The following ZFHX3 variants were observed in gnomAD, a reference collection of about 807,000 sequenced individuals.
ZFHX3 encodes the protein zinc finger homeobox protein 3.
ZFHX3 carries 42 observed loss-of-function variants against 279.1 expected under a neutral mutation model. That is an observed-to-expected ratio of 0.15 (90% confidence interval 0.12 to 0.19). ZFHX3 has a LOEUF of 0.19. Among genes scored for constraint, ZFHX3 ranks in the 10% least tolerant of loss-of-function variants. The pLI is 1.00. For missense variants in ZFHX3, 4,981 were observed against 4,754.0 expected (o/e 1.05, Z -1.40); for synonymous variants, 2,293 against 1,957.8 (o/e 1.17, Z -4.52).
chr16:73,087,700 C>G (rs941630967), intron 8 of ZFHX3, among the ~76,000 whole-genome samples: 1 of 152,100 alleles, frequency 6.6e-6, no homozygotes, highest in Non-Finnish European at 1.5e-5. Context: ...GGGCTCTTTC[C>G]AGGAGTCAAG....
chr16:73,551,045 A>G (rs2020196473), intron 2 of ZFHX3, among the ~76,000 whole-genome samples: 1 of 152,214 alleles, frequency 6.6e-6, no homozygotes, highest in Admixed American at 6.5e-5. Context: ...TATTGCTACT[A>G]TTTAAACAAA....
At chr16:73,677,493 G>A (rs1412962339) in intron 2 of ZFHX3, among the ~76,000 whole-genome samples, 1 of 151,804 alleles carries the variant, frequency 6.6e-6, no homozygotes, top group Non-Finnish European at 1.5e-5. Context: ...TAGGAAAACA[G>A]AACAACTGGA....
At chr16:73,015,789 G>T (rs1337785563) in intron 1 of ZFHX3, 1 of 152,194 alleles carries the variant, frequency 6.6e-6, no homozygotes, top group African/African-American at 2.4e-5. Flanking sequence ...GTAGCCTGGG[G>T]CCACTGGATC....
intron 3 of ZFHX3, among the ~76,000 whole-genome samples, chr16:72,924,819 A>C (rs959630399): frequency 6.6e-6 from 1 of 152,048 alleles, no homozygotes; most frequent in African/African-American, 2.4e-5. Flanking sequence ...CCTCCCTTTA[A>C]CTTCCTTTTT....
intron 1 of ZFHX3, among the ~76,000 whole-genome samples, chr16:73,749,835 C>G (rs1051217442): frequency 1.3e-5 from 2 of 152,168 alleles, no homozygotes; most frequent in Non-Finnish European, 2.9e-5. Flanking sequence ...GAAGGGCAGC[C>G]TTGGATGGCC....
intron 2 of ZFHX3, among the ~76,000 whole-genome samples, chr16:73,594,817 T>C (rs2052032096): frequency 6.6e-6 from 1 of 152,242 alleles, no homozygotes; most frequent in Non-Finnish European, 1.5e-5. Context: ...TACTTAGAAA[T>C]GTGCTTTTGT....
At chr16:73,647,682 A>T (rs2052633049) in intron 2 of ZFHX3, among the ~76,000 whole-genome samples, 1 of 152,176 alleles carries the variant, frequency 6.6e-6, no homozygotes, top group Admixed American at 6.5e-5. Context: ...ACTGTATCAT[A>T]GTTTAGAAAG....
chr16:73,318,230 A>T (rs1051962362), intron 4 of ZFHX3: 10 of 152,244 alleles, frequency 6.6e-5, no homozygotes, highest in African/African-American at 2.4e-4. Context: ...ATATAATATC[A>T]GAGCCCTACC....
At chr16:73,342,346 G>A (rs2016047933) in intron 3 of ZFHX3, among the ~76,000 whole-genome samples, 1 of 152,186 alleles carries the variant, frequency 6.6e-6, no homozygotes, top group East Asian at 1.9e-4. Flanking sequence ...GAAGACACCT[G>A]TCCAACAATA....
At chr16:73,603,365 T>C (rs182347797) in intron 2 of ZFHX3, among the ~76,000 whole-genome samples, 2 of 151,708 alleles carry the variant, frequency 1.3e-5, no homozygotes, top group East Asian at 1.9e-4. Flanking sequence ...AGGACAGGAA[T>C]TGATAACTCT....
intron 2 of ZFHX3, among the ~76,000 whole-genome samples, chr16:73,571,429 T>C (rs1321477351): frequency 6.6e-6 from 1 of 152,206 alleles, no homozygotes; most frequent in African/African-American, 2.4e-5. Flanking sequence ...CCTCTAAAAA[T>C]GCCTTAAGTT....
chr16:73,406,861 T>C (rs1022969358), intron 3 of ZFHX3, among the ~76,000 whole-genome samples: 1 of 152,222 alleles, frequency 6.6e-6, no homozygotes, highest in African/African-American at 2.4e-5. Flanking sequence ...CTTATCATCT[T>C]GAGCTTTGGC....
chr16:73,872,496 A>G (rs1046361909), intron 1 of ZFHX3, among the ~76,000 whole-genome samples: 1 of 151,766 alleles, frequency 6.6e-6, no homozygotes, highest in Non-Finnish European at 1.5e-5. Context: ...CAGCCTCCCA[A>G]ATTGCTGGGA....
intron 1 of ZFHX3, among the ~76,000 whole-genome samples, chr16:73,717,429 G>A (rs938936501): frequency 6.6e-6 from 1 of 152,088 alleles, no homozygotes; most frequent in Non-Finnish European, 1.5e-5. Context: ...CTGGTCACTG[G>A]AGGCCACCAC....
At chr16:73,506,549 A>G (rs139667545) in intron 2 of ZFHX3, among the ~76,000 whole-genome samples, 13 of 152,328 alleles carry the variant, frequency 8.5e-5, no homozygotes, top group Admixed American at 8.5e-4. Context: ...CTACTCTGTA[A>G]GACCAGAGCA....
chr16:73,524,699 G>A (rs1174213065), intron 2 of ZFHX3, among the ~76,000 whole-genome samples: 1 of 152,170 alleles, frequency 6.6e-6, no homozygotes, highest in Non-Finnish European at 1.5e-5. Flanking sequence ...GGCCTTCCGT[G>A]AGCTCCCTGC....
chr16:73,638,447 A>G (rs181363064), intron 2 of ZFHX3, among the ~76,000 whole-genome samples: 2 of 152,322 alleles, frequency 1.3e-5, no homozygotes, highest in East Asian at 3.9e-4. Flanking sequence ...ATATTTAGAC[A>G]TACAGTATAA....
chr16:73,721,164 C>T (rs183545726), intron 1 of ZFHX3, among the ~76,000 whole-genome samples: 5 of 152,224 alleles, frequency 3.3e-5, no homozygotes, highest in Admixed American at 3.3e-4. Flanking sequence ...ACTCTGTCGC[C>T]AGGCTGGCAT....
intron 1 of ZFHX3, among the ~76,000 whole-genome samples, chr16:73,709,118 G>T (rs997030550): frequency 2.6e-5 from 4 of 152,074 alleles, no homozygotes; most frequent in African/African-American, 9.7e-5. Flanking sequence ...TATTCACAAT[G>T]GCCAAGACAT....
Sources: allele counts gnomAD v4.1 joint callset (sites outside exome capture counted in the v4.1 genomes callset), GRCh38; gene constraint gnomAD v4.1.1; transcripts MANE v1.5; gene names NCBI Gene and HGNC (gene_info 2026-07-23, HGNC 2026-07-21).